The following TLK2 variants were observed in gnomAD, a reference collection of about 807,000 sequenced individuals.
The protein encoded by TLK2 is tousled like kinase 2.
TLK2 carries 6 observed loss-of-function variants against 117.3 expected under a neutral mutation model. The observed-to-expected ratio is 0.05, with a 90% CI of 0.03 to 0.10. The LOEUF (loss-of-function observed/expected upper bound fraction) is 0.10, where lower values mean the gene tolerates loss of function less well. Among genes scored for constraint, TLK2 ranks in the 10% least tolerant of loss-of-function variants. The pLI is 1.00. For synonymous variants in TLK2, 257 were observed against 316.7 expected (o/e 0.81, Z 2.00); for missense variants, 299 against 901.2 (o/e 0.33, Z 8.56).
chr17:62,588,256 A>C (rs2081803029), intron 16 of TLK2, among the ~76,000 whole-genome samples: 2 of 152,144 alleles, frequency 1.3e-5, no homozygotes, highest in Admixed American at 6.5e-5. Context: ...CCTTGCAGAG[A>C]GCTCTAGTGT....
chr17:62,532,053 G>T (rs369877774), intron 6 of TLK2, among the ~76,000 whole-genome samples: 3 of 152,142 alleles, frequency 2.0e-5, no homozygotes, highest in Admixed American at 6.5e-5. Flanking sequence ...ATCTGCAAGT[G>T]CCCTTAGGCC....
rs2084023587 is a variant in TLK2, at chr17:62,614,959, T to G, written c.*2394T>G. The stretch of plus-strand genomic sequence containing the variant: ...TGATCTTGCAGTTGATTTGTTTGTT[T>G]TTTAATTTTTTAACATTTTTTTAAC... On this transcript the variant is annotated 3_prime_UTR_variant, in exon 22 of 22. Transcript: ENST00000346027. The G allele has an allele frequency of 6.6e-6, 1 of 152,168 alleles. No homozygotes were observed. The highest frequency in any genetic ancestry group is 2.1e-4 in the South Asian group (1 of 4,830). 9.4% of individuals were successfully genotyped at this position (152,168 alleles called of 1,614,324 possible). A position where few individuals can be genotyped will look rare whatever the true frequency, so the allele number is the denominator to read the frequency against.
intron 2 of TLK2, among the ~76,000 whole-genome samples, chr17:62,508,820 T>C (rs558528895): frequency 3.0e-4 from 46 of 152,070 alleles, no homozygotes; most frequent in African/African-American, 1.0e-3. Flanking sequence ...ATACAAAAAT[T>C]AGCCAAGCGT....
chr17:62,483,729 C>A (rs2071982611), intron 2 of TLK2, among the ~76,000 whole-genome samples: 1 of 152,196 alleles, frequency 6.6e-6, no homozygotes, highest in African/African-American at 2.4e-5. Flanking sequence ...TCTTGAACTC[C>A]TGACCTCAAA....
intron 5 of TLK2, among the ~76,000 whole-genome samples, chr17:62,523,604 G>A (rs537425684): frequency 5.3e-4 from 80 of 152,172 alleles, no homozygotes; most frequent in Admixed American, 7.9e-4. Context: ...AGAAAGTAAT[G>A]TTTTGCCTTT....
In TLK2 at chr17:62,561,185, T is replaced by G. The variant is rs544203498; in HGVS notation, c.831+1059T>G. 2.0e-5 allele frequency among the ~76,000 whole-genome samples: 3 copies of G among 152,352 alleles called. 1 individual carries two copies. The highest frequency in any genetic ancestry group is 2.0e-4 in the Admixed American group (3 of 15,304). Reference sequence around the variant, plus strand: ...ATCATTTTTTATGGCTGCATAGTATTCCATGGTATATATGTGCCACATTTT... The same window carrying G: ...ATCATTTTTTATGGCTGCATAGTATGCCATGGTATATATGTGCCACATTTT... On this transcript the variant is annotated intron_variant, in intron 10 of 21. Transcript: ENST00000346027.
chr17:62,545,870 A>AT (rs1285889549), intron 7 of TLK2, among the ~76,000 whole-genome samples: 1 of 131,166 alleles, frequency 7.6e-6, no homozygotes, highest in Non-Finnish European at 1.7e-5. Context: ...CGCCCGGCTG[A>AT]TTTTTTGTTT....
At chr17:62,471,696 C>A (rs2070942602) in intron 1 of TLK2, among the ~76,000 whole-genome samples, 2 of 151,950 alleles carry the variant, frequency 1.3e-5, no homozygotes, top group Non-Finnish European at 2.9e-5. Context: ...CCTCTGCTGT[C>A]CTAACTTCCC....
At chr17:62,580,524 CT>C (rs2081132735) in intron 15 of TLK2, among the ~76,000 whole-genome samples, 1 of 152,166 alleles carries the variant, frequency 6.6e-6, no homozygotes. Context: ...TGCTATCTTT[CT>C]TTCTTTTACA....
At chr17:62,576,240 C>T (rs545228767) in intron 12 of TLK2, among the ~76,000 whole-genome samples, 61 of 152,288 alleles carry the variant, frequency 4.0e-4, no homozygotes, top group Non-Finnish European at 5.9e-4. Flanking sequence ...GTGCTTTGAA[C>T]CCTAGTCCTC....
chr17:62,505,476 G>C (rs980999694), intron 2 of TLK2, among the ~76,000 whole-genome samples: 1 of 126,174 alleles, frequency 7.9e-6, no homozygotes, highest in Non-Finnish European at 1.6e-5. Flanking sequence ...CTGTCTTGAA[G>C]TCCTGGCCTC....
chr17:62,605,379 G>A (rs1391879880), intron 19 of TLK2, among the ~76,000 whole-genome samples: 3 of 152,088 alleles, frequency 2.0e-5, no homozygotes, highest in Non-Finnish European at 2.9e-5. Context: ...CTAAGTTAGA[G>A]TGTCTTTTCT....
rs767601303 is a variant in TLK2, at chr17:62,524,293, C to T, written c.325C>T (p.Arg109Ter). ...SPGRSVPPVA[R>*]SSPQHSLSNP... ...TGGCAGAAGTGTTCCACCAGTTGCA[C>T]GATCCTCACCGCAACATTCCTTATC... The change falls in exon 6 of 22, where the codon CGA becomes TGA. Residue 109 changes from arginine (R) to a stop codon, truncating the protein, a stop_gained. Transcript: ENST00000346027. LOFTEE classifies it high-confidence loss of function. 3.7e-6 allele frequency: 6 copies of T among 1,613,632 alleles called. No individual in the cohort carries two copies. Among genetic ancestry groups the T allele is most frequent in the African/African-American group, 1.3e-5 (1 of 74,870 alleles).
At chr17:62,570,780 A>G (rs2080224418) in intron 11 of TLK2, among the ~76,000 whole-genome samples, 1 of 152,090 alleles carries the variant, frequency 6.6e-6, no homozygotes, top group Non-Finnish European at 1.5e-5. Context: ...GGCTGTGGGG[A>G]GCATTTCTTG....
chr17:62,594,607 C>G (rs994215035), intron 16 of TLK2, among the ~76,000 whole-genome samples: 1 of 152,144 alleles, frequency 6.6e-6, no homozygotes, highest in African/African-American at 2.4e-5. Flanking sequence ...TAAAACACTT[C>G]TAATACTAAA....
At chr17:62,527,119 T>TC (rs1159123550) in intron 6 of TLK2, among the ~76,000 whole-genome samples, 2 of 152,186 alleles carry the variant, frequency 1.3e-5, no homozygotes, top group East Asian at 3.8e-4. Context: ...TACTTGTTAT[T>TC]CCCTCTTCCA....
chr17:62,485,147 C>T (rs1338729754), intron 2 of TLK2, among the ~76,000 whole-genome samples: 2 of 152,202 alleles, frequency 1.3e-5, no homozygotes, highest in Admixed American at 1.3e-4. Flanking sequence ...AGTGACTTCC[C>T]TGTGATGGTG....
intron 16 of TLK2, among the ~76,000 whole-genome samples, chr17:62,588,944 TA>T (rs1342810784): frequency 2.0e-5 from 3 of 152,242 alleles, no homozygotes; most frequent in Non-Finnish European, 4.4e-5. Flanking sequence ...GAAAATGCTA[TA>T]ACCCTGCTAG....
chr17:62,549,398 CAAAAAAAAAAAAAAAAAAAAAAAAAA>C (rs777779302), intron 7 of TLK2, among the ~76,000 whole-genome samples: 14 of 37,124 alleles, frequency 3.8e-4, no homozygotes, highest in African/African-American at 1.3e-3. Context: ...GACTCCATCT[CAAAAAAAAAAAAAAAAAAAAAAAAAA>C]AAAAAAAAAA....
Sources: allele counts gnomAD v4.1 joint callset (sites outside exome capture counted in the v4.1 genomes callset), GRCh38; gene constraint gnomAD v4.1.1; transcripts MANE v1.5; gene names NCBI Gene and HGNC (gene_info 2026-07-23, HGNC 2026-07-21).